Variants in ADAMTS2 observed in about 807,000 individuals in gnomAD.
ADAMTS2 encodes A disintegrin and metalloproteinase with thrombospondin motifs 2.
ADAMTS2 carries 50 observed loss-of-function variants against 123.0 expected under a neutral mutation model. The observed-to-expected ratio is 0.41, with a 90% CI of 0.32 to 0.51. The LOEUF (loss-of-function observed/expected upper bound fraction) is 0.51, where lower values mean the gene tolerates loss of function less well. Among genes scored for constraint, ADAMTS2 ranks in the 20% least tolerant of loss-of-function variants. The probability of loss-of-function intolerance (pLI) is 0.35; values close to 1 mark genes in which losing one functional copy is unlikely to be tolerated. For synonymous variants in ADAMTS2, 678 were observed against 695.4 expected (o/e 0.98, Z 0.39); for missense variants, 1,494 against 1,705.2 (o/e 0.88, Z 2.18).
At chr5:179,153,742 C>T (rs1763413040) in intron 8 of ADAMTS2, 119 bp from the exon 9 acceptor site, 1 of 1,403,730 alleles carries the variant, frequency 7.1e-7, no homozygotes, top group Admixed American at 2.1e-5. Context: ...CATCCCGGCC[C>T]CTGGCTGTGC....
chr5:179,137,028 A>G (rs1015705992), intron 12 of ADAMTS2, among the ~76,000 whole-genome samples: 4 of 151,968 alleles, frequency 2.6e-5, no homozygotes, highest in Admixed American at 1.3e-4. Flanking sequence ...GAATGAGGCC[A>G]GCCTGCCTCG....
chr5:179,235,814 T>A (rs1162908385), intron 3 of ADAMTS2, among the ~76,000 whole-genome samples: 1 of 152,214 alleles, frequency 6.6e-6, no homozygotes. Flanking sequence ...TGCTAGATCC[T>A]GGGGGTCTCC....
chr5:179,265,837 C>T (rs1766354618), intron 3 of ADAMTS2, among the ~76,000 whole-genome samples: 1 of 152,260 alleles, frequency 6.6e-6, no homozygotes, highest in South Asian at 2.1e-4. Context: ...CCCGGAGCCG[C>T]CTCGGGTTTC....
At chr5:179,299,922 G>A (rs76468864) in intron 2 of ADAMTS2, among the ~76,000 whole-genome samples, 19 of 151,024 alleles carry the variant, frequency 1.3e-4, no homozygotes, top group Admixed American at 4.0e-4. Context: ...GTGAAACCCC[G>A]TCTCTACTAA....
intron 13 of ADAMTS2, 143 bp downstream of exon 13, chr5:179,135,766 C>G: frequency 7.8e-7 from 1 of 1,288,298 alleles, no homozygotes. Flanking sequence ...TTGCCAAGAG[C>G]CTGCCCTGGT....
rs1762972993 is a variant in ADAMTS2, at chr5:179,132,060, G to A, written c.2290+170C>T. On this transcript the variant is annotated intron_variant, in intron 15 of 21. Coordinates refer to ENST00000251582, the MANE Select transcript of ADAMTS2 (RefSeq NM_014244.5). The surrounding 1 kb of genome is among the most constrained non-coding windows in gnomAD (Gnocchi z 6.1). ...GCCTCTCCACAAGGGGAGGACCCTG[G>A]GAAAGGGCCCAGGTGGGCTGAGCAG... Among the ~76,000 whole-genome samples, 1 of 152,214 alleles carries A rather than the reference G, an allele frequency of 6.6e-6. No homozygotes were observed. Among genetic ancestry groups the A allele is most frequent in the Admixed American group, 6.5e-5 (1 of 15,290 alleles).
At chr5:179,134,552 G>A (rs1401031185) in intron 13 of ADAMTS2, among the ~76,000 whole-genome samples, 3 of 152,140 alleles carry the variant, frequency 2.0e-5, no homozygotes, top group Non-Finnish European at 2.9e-5. Flanking sequence ...GCCTCCCCAC[G>A]TCCTCACTGG....
intron 4 of ADAMTS2, among the ~76,000 whole-genome samples, chr5:179,183,515 T>C (rs1764097728): frequency 1.3e-5 from 2 of 152,226 alleles, no homozygotes; most frequent in African/African-American, 4.8e-5. Context: ...GACAGGTTCC[T>C]AGCAGTAGGA....
At chr5:179,269,996 C>T (rs554917449) in intron 3 of ADAMTS2, among the ~76,000 whole-genome samples, 1 of 152,162 alleles carries the variant, frequency 6.6e-6, no homozygotes, top group Non-Finnish European at 1.5e-5. Flanking sequence ...AAAGGACCCT[C>T]CCCGCTCCCT....
In ADAMTS2 at chr5:179,345,455, A is replaced by T; in HGVS notation, c.-127T>A. 2 of 704,840 alleles carry T rather than the reference A, an allele frequency of 2.8e-6. No individual in the cohort carries two copies. Among genetic ancestry groups the T allele is most frequent in the African/African-American group, 2.1e-5 (1 of 47,364 alleles). The allele number at this position is 704,840 out of a possible 1,614,324, so 43.7% of individuals were successfully genotyped here. A position where few individuals can be genotyped will look rare whatever the true frequency, so the allele number is the denominator to read the frequency against. On this transcript the variant is annotated 5_prime_UTR_variant, in exon 1 of 22. Transcript: ENST00000251582. The surrounding 1 kb of genome is among the most constrained non-coding windows in gnomAD (Gnocchi z 7.5). The stretch of plus-strand genomic sequence containing the variant: ...TGCAGCACCGCAGGGCGCGGGGCGG[A>T]GGAGGCGAGGCGCGGAGGGGCGGGC...
chr5:179,185,342 T>C lies in ADAMTS2; in HGVS notation c.892-4187A>G, dbSNP rs773602361. Among the ~76,000 whole-genome samples the C allele has an allele frequency of 6.6e-6, 1 of 152,018 alleles. No homozygotes were observed. The highest frequency in any genetic ancestry group is 2.4e-5 in the African/African-American group (1 of 41,392). On this transcript the variant is annotated intron_variant, in intron 4 of 21. Transcript: ENST00000251582. The surrounding 1 kb of genome is among the most constrained non-coding windows in gnomAD (Gnocchi z 5.9). ...GGACGGATGTGAGGGATGATGTGGA[T>C]TGGAATAGGGGTCATCTGCCCCGCC...
At chr5:179,203,396 G>C (rs1764609570) in intron 4 of ADAMTS2, among the ~76,000 whole-genome samples, 2 of 152,244 alleles carry the variant, frequency 1.3e-5, no homozygotes, top group African/African-American at 4.8e-5. Context: ...GTCCCAGCCG[G>C]CTGCTGCCAC....
At chr5:179,239,579 G>C (rs1765613640) in intron 3 of ADAMTS2, among the ~76,000 whole-genome samples, 1 of 152,172 alleles carries the variant, frequency 6.6e-6, no homozygotes, top group Admixed American at 6.5e-5. Flanking sequence ...GCAATACAGA[G>C]AGCATGGAAG....
chr5:179,122,923 G>A, intron 19 of ADAMTS2, 150 bp from the exon 20 acceptor site: 1 of 1,231,800 alleles, frequency 8.1e-7, no homozygotes, highest in Non-Finnish European at 1.1e-6. Context: ...AGGTTGCCTT[G>A]CCCCACCCTC....
Position 179,155,379 on chromosome 5 carries a change from C to T in ADAMTS2, c.1133-460G>A, listed in dbSNP as rs113103687. Among the ~76,000 whole-genome samples, 2 of 152,356 alleles carry T rather than the reference C, an allele frequency of 1.3e-5. No individual in the cohort carries two copies. Among genetic ancestry groups the T allele is most frequent in the African/African-American group, 4.8e-5 (2 of 41,588 alleles). ...CCTGGTATCACACCCTCCAAGCCCA[C>T]CTCCTCTGGGGGGCGTTTCTTGGGT... is the stretch of plus-strand genomic sequence containing the variant. On this transcript the variant is annotated intron_variant, in intron 6 of 21. Coordinates refer to ENST00000251582, the MANE Select transcript of ADAMTS2 (RefSeq NM_014244.5). This position sits in a 1 kb window ranked among gnomAD's most constrained non-coding sequence, Gnocchi z 5.1.
At chr5:179,282,521 G>T (rs1766944556) in intron 2 of ADAMTS2, among the ~76,000 whole-genome samples, 1 of 152,152 alleles carries the variant, frequency 6.6e-6, no homozygotes, top group African/African-American at 2.4e-5. Flanking sequence ...ACACAGTCTT[G>T]ATTACTACAG....
chr5:179,207,395 G>T, intron 4 of ADAMTS2, 118 bp downstream of exon 4: 1 of 1,102,654 alleles, frequency 9.1e-7, no homozygotes, highest in Non-Finnish European at 1.3e-6. Flanking sequence ...ACTCACCTCC[G>T]GCTAACAAGG....
intron 2 of ADAMTS2, among the ~76,000 whole-genome samples, chr5:179,319,730 T>C (rs1757103548): frequency 6.6e-6 from 1 of 151,724 alleles, no homozygotes; most frequent in African/African-American, 2.4e-5. Flanking sequence ...CTCCCCTCTG[T>C]TGAGGCAAAA....
At chr5:179,206,560 C>A (rs560463675) in intron 4 of ADAMTS2, among the ~76,000 whole-genome samples, 43 of 152,310 alleles carry the variant, frequency 2.8e-4, no homozygotes, top group African/African-American at 9.9e-4. Flanking sequence ...CCACAAATAC[C>A]CCCCTGCCCC....
Sources: allele counts gnomAD v4.1 joint callset (sites outside exome capture counted in the v4.1 genomes callset), GRCh38; gene constraint gnomAD v4.1.1; non-coding constraint Gnocchi (gnomAD v3.1); transcripts MANE v1.5; gene names NCBI Gene and HGNC (gene_info 2026-07-23, HGNC 2026-07-21).